The following LINGO2 variants were observed in gnomAD, a reference collection of about 807,000 sequenced individuals.
LINGO2 encodes the protein leucine-rich repeat and immunoglobulin-like domain-containing nogo receptor-interacting protein 2.
Under a neutral mutation model 30.6 loss-of-function variants are expected in LINGO2, and 14 were observed. The ratio of observed to expected loss-of-function variants is 0.46; its 90% confidence interval spans 0.30 to 0.72. The LOEUF (loss-of-function observed/expected upper bound fraction) is 0.72, where lower values mean the gene tolerates loss of function less well. Among genes scored for constraint, LINGO2 ranks in the 30% least tolerant of loss-of-function variants. The pLI, the probability that LINGO2 is intolerant of heterozygous loss-of-function variation, is 0.07. For synonymous variants in LINGO2, 317 were observed against 288.5 expected, an observed-to-expected ratio of 1.10 and a Z score of -1.00; for missense variants, 729 against 751.7, an observed-to-expected ratio of 0.97 and a Z score of 0.35.
downstream of LINGO2, among the ~76,000 whole-genome samples, chr9:27,945,744 G>C (rs1288204744): frequency 1.3e-5 from 2 of 152,080 alleles, no homozygotes; most frequent in Non-Finnish European, 2.9e-5. Flanking sequence ...GTGAAACTGA[G>C]TACTAAAGCA....
At chr9:29,203,368 G>A in the LINGO2 span, among the ~76,000 whole-genome samples, 20,812 of 152,166 alleles carry the variant, frequency 0.14, 1,504 homozygotes, top group Middle Eastern at 0.17. Flanking sequence ...TGCAAGGAAT[G>A]TATCTAAGGC....
chr9:27,988,608 C>T (rs1210653870), intron 5 of LINGO2, among the ~76,000 whole-genome samples: 1 of 151,914 alleles, frequency 6.6e-6, no homozygotes, highest in Non-Finnish European at 1.5e-5. Flanking sequence ...CAGTGATGAG[C>T]ATTTTTTCAT....
At chr9:28,188,514 C>A (rs1174882379) in intron 4 of LINGO2, among the ~76,000 whole-genome samples, 1 of 151,966 alleles carries the variant, frequency 6.6e-6, no homozygotes, top group African/African-American at 2.4e-5. Context: ...ATCTTTCCTG[C>A]AATTTTGCCT....
intron 1 of LINGO2, among the ~76,000 whole-genome samples, chr9:28,576,948 T>C (rs947519947): frequency 4.1e-4 from 62 of 152,150 alleles, no homozygotes; most frequent in African/African-American, 1.4e-3. Context: ...TTTGCAAAAA[T>C]TGTAACAGTG....
the LINGO2 span, among the ~76,000 whole-genome samples, chr9:29,006,740 T>A: frequency 6.6e-6 from 1 of 152,048 alleles, no homozygotes; most frequent in Non-Finnish European, 1.5e-5. Flanking sequence ...TTAAGCATAG[T>A]ACAGTCGTAT....
intron 4 of LINGO2, among the ~76,000 whole-genome samples, chr9:28,251,748 T>A (rs1479157284): frequency 6.6e-6 from 1 of 152,146 alleles, no homozygotes; most frequent in Non-Finnish European, 1.5e-5. Context: ...CAAGAGTAGC[T>A]CTATTAATAA....
At chr9:28,170,096 T>G (rs1828539661) in intron 4 of LINGO2, among the ~76,000 whole-genome samples, 1 of 152,232 alleles carries the variant, frequency 6.6e-6, no homozygotes, top group Non-Finnish European at 1.5e-5. Context: ...CTGCTAAGTT[T>G]CTATCACTTG....
chr9:28,088,648 G>T (rs913049471), intron 4 of LINGO2, among the ~76,000 whole-genome samples: 7 of 152,084 alleles, frequency 4.6e-5, no homozygotes, highest in African/African-American at 1.7e-4. Flanking sequence ...TGAAGAAACT[G>T]TATCAACTAA....
the LINGO2 span, among the ~76,000 whole-genome samples, chr9:28,761,448 A>C: frequency 6.6e-6 from 1 of 150,608 alleles, no homozygotes; most frequent in African/African-American, 2.4e-5. Context: ...AGTTTGATAG[A>C]AAAAAAGGGC....
the LINGO2 span, among the ~76,000 whole-genome samples, chr9:28,912,840 C>T: frequency 4.5e-3 from 684 of 152,194 alleles, 5 homozygotes; most frequent in African/African-American, 0.015. Flanking sequence ...AAGATATGTC[C>T]TACTTCCTGA....
At chr9:28,637,203 C>T (rs1013697602) in intron 1 of LINGO2, among the ~76,000 whole-genome samples, 1 of 152,118 alleles carries the variant, frequency 6.6e-6, no homozygotes, top group African/African-American at 2.4e-5. Flanking sequence ...GTACCAGTAC[C>T]ATCCTGTTTT....
chr9:28,847,794 A>G, the LINGO2 span, among the ~76,000 whole-genome samples: 40 of 44,706 alleles, frequency 8.9e-4, 3 homozygotes, highest in African/African-American at 2.8e-3. Flanking sequence ...ATATACACAT[A>G]TATGTATAGT....
At chr9:28,146,715 A>C (rs1366949149) in intron 4 of LINGO2, among the ~76,000 whole-genome samples, 1 of 152,182 alleles carries the variant, frequency 6.6e-6, no homozygotes, top group Non-Finnish European at 1.5e-5. Flanking sequence ...GGGCATAAGA[A>C]AACCTAGAGT....
the LINGO2 span, among the ~76,000 whole-genome samples, chr9:28,733,152 G>A: frequency 5.3e-5 from 8 of 152,204 alleles, no homozygotes; most frequent in Non-Finnish European, 1.2e-4. Context: ...TTTAACTTCA[G>A]CCTTAGAAAT....
At chr9:28,881,408 G>C in the LINGO2 span, among the ~76,000 whole-genome samples, 1 of 152,120 alleles carries the variant, frequency 6.6e-6, no homozygotes, top group Non-Finnish European at 1.5e-5. Flanking sequence ...ATAGGCATGA[G>C]CCACCATGCC....
chr9:28,417,562 TG>T (rs10707728), intron 2 of LINGO2, among the ~76,000 whole-genome samples: 45,836 of 152,028 alleles, frequency 0.3, 7,864 homozygotes, highest in Middle Eastern at 0.38. Flanking sequence ...ATACATAGTT[TG>T]TGGTTCCCTG....
At chr9:28,590,717 A>G (rs1204475708) in intron 1 of LINGO2, among the ~76,000 whole-genome samples, 3 of 152,172 alleles carry the variant, frequency 2.0e-5, no homozygotes, top group African/African-American at 7.2e-5. Context: ...GCGGGACTGT[A>G]AACTAGTTCA....
intron 3 of LINGO2, among the ~76,000 whole-genome samples, chr9:28,369,043 A>T (rs576510714): frequency 1.1e-4 from 16 of 152,320 alleles, no homozygotes; most frequent in African/African-American, 3.4e-4. Context: ...GTGGGAAAGA[A>T]TCTGGGAGCC....
At chr9:28,781,095 A>G in the LINGO2 span, among the ~76,000 whole-genome samples, 13 of 152,248 alleles carry the variant, frequency 8.5e-5, no homozygotes, top group African/African-American at 3.1e-4. Flanking sequence ...CAGTCCTATC[A>G]TTTTATACAT....
Sources: gnomAD v4.1 joint callset for allele counts (sites outside exome capture counted in the v4.1 genomes callset) on GRCh38, gnomAD v4.1.1 for gene constraint, MANE v1.5 for transcripts, NCBI Gene and HGNC (gene_info 2026-07-23, HGNC 2026-07-21) for gene names.